The following SORCS3 variants were observed in gnomAD, a reference collection of about 807,000 sequenced individuals.
SORCS3 encodes sortilin related VPS10 domain containing receptor 3, also known as VPS10 domain-containing receptor SorCS3.
A neutral mutation model predicts 146.3 loss-of-function variants in SORCS3; 57 were observed. The observed-to-expected ratio is 0.39, with a 90% CI of 0.31 to 0.49. SORCS3 has a LOEUF of 0.49. Among genes scored for constraint, SORCS3 ranks in the 20% least tolerant of loss-of-function variants. SORCS3 has a pLI of 0.92. For synonymous variants in SORCS3, 653 were observed against 618.5 expected, an observed-to-expected ratio of 1.06 and a Z score of -0.83; for missense variants, 1,341 against 1,575.5, an observed-to-expected ratio of 0.85 and a Z score of 2.52.
chr10:104,754,440 C>T (rs1418783827), intron 1 of SORCS3, among the ~76,000 whole-genome samples: 1 of 152,180 alleles, frequency 6.6e-6, no homozygotes, highest in African/African-American at 2.4e-5. Context: ...TGCCCTTATA[C>T]TGTAACCTTT....
intron 1 of SORCS3, among the ~76,000 whole-genome samples, chr10:104,693,670 C>T (rs529609510): frequency 1.3e-5 from 2 of 152,292 alleles, no homozygotes; most frequent in African/African-American, 4.8e-5. Context: ...TGTGTACCAC[C>T]ACTCTCCATT....
At chr10:105,000,494 GT>G (rs2055054561) in intron 4 of SORCS3, among the ~76,000 whole-genome samples, 1 of 151,968 alleles carries the variant, frequency 6.6e-6, no homozygotes, top group Admixed American at 6.6e-5. Context: ...TTGTTGTTTT[GT>G]TTTGTTTTTT....
intron 3 of SORCS3, among the ~76,000 whole-genome samples, chr10:104,964,604 T>C (rs1478395649): frequency 6.6e-6 from 1 of 152,144 alleles, no homozygotes; most frequent in Admixed American, 6.6e-5. Flanking sequence ...AGTCAATAGG[T>C]TGGATGAATA....
chr10:105,260,039 CA>C (rs2056952047), intron 25 of SORCS3, among the ~76,000 whole-genome samples: 2 of 152,124 alleles, frequency 1.3e-5, no homozygotes, highest in Non-Finnish European at 2.9e-5. Context: ...AGCAACTTGA[CA>C]AATTTTTAAA....
chr10:105,086,839 T>G (rs1317250621), intron 5 of SORCS3, among the ~76,000 whole-genome samples: 3 of 152,182 alleles, frequency 2.0e-5, no homozygotes, highest in Admixed American at 2.0e-4. Context: ...GATTGCAGAA[T>G]TTTTCTCCCG....
chr10:104,964,678 G>A (rs150621594), intron 3 of SORCS3, among the ~76,000 whole-genome samples: 10 of 152,114 alleles, frequency 6.6e-5, no homozygotes, highest in Middle Eastern at 3.4e-3. Context: ...CTCTAGTCTC[G>A]TGTCTTATTT....
chr10:104,915,677 C>T (rs2019019267), intron 2 of SORCS3, among the ~76,000 whole-genome samples, 156 bp from the exon 3 acceptor site: 1 of 152,170 alleles, frequency 6.6e-6, no homozygotes, highest in African/African-American at 2.4e-5. Context: ...AGTCTAATTG[C>T]TCTTCTAAAA....
intron 2 of SORCS3, among the ~76,000 whole-genome samples, chr10:104,879,086 G>A (rs1363164648): frequency 6.6e-6 from 1 of 152,212 alleles, no homozygotes; most frequent in Admixed American, 6.5e-5. Flanking sequence ...AGGATGGACA[G>A]ATTATGATGG....
At chr10:105,080,884 A>G (rs564953003) in intron 5 of SORCS3, among the ~76,000 whole-genome samples, 19 of 152,346 alleles carry the variant, frequency 1.2e-4, no homozygotes, top group Non-Finnish European at 2.4e-4. Context: ...ATCTTCAATG[A>G]AGCTGACAAA....
intron 1 of SORCS3, among the ~76,000 whole-genome samples, chr10:104,660,542 C>T (rs1057363136): frequency 1.3e-5 from 2 of 152,128 alleles, no homozygotes; most frequent in African/African-American, 4.8e-5. Context: ...TGGCCCTCAC[C>T]CTCCCCTCTA....
At chr10:105,075,642 G>A (rs1447814297) in intron 5 of SORCS3, among the ~76,000 whole-genome samples, 1 of 152,112 alleles carries the variant, frequency 6.6e-6, no homozygotes, top group African/African-American at 2.4e-5. Context: ...TCCCTATAAA[G>A]AAGGGGGGCG....
chr10:104,720,426 A>G (rs1164595609), intron 1 of SORCS3, among the ~76,000 whole-genome samples: 1 of 152,188 alleles, frequency 6.6e-6, no homozygotes, highest in Non-Finnish European at 1.5e-5. Flanking sequence ...GAATAGTGCC[A>G]CAATAAACAT....
At chr10:105,065,250 G>C (rs1407427999) in intron 5 of SORCS3, among the ~76,000 whole-genome samples, 2 of 152,162 alleles carry the variant, frequency 1.3e-5, no homozygotes, top group African/African-American at 4.8e-5. Context: ...GTTTGCACCA[G>C]AATCATACCT....
chr10:104,673,140 A>C (rs184304573), intron 1 of SORCS3, among the ~76,000 whole-genome samples: 2 of 152,188 alleles, frequency 1.3e-5, no homozygotes, highest in Admixed American at 6.5e-5. Flanking sequence ...GTGTGTTTGC[A>C]TGTTTGGATC....
At chr10:105,102,775 T>C (rs2055794327) in intron 6 of SORCS3, among the ~76,000 whole-genome samples, 1 of 137,306 alleles carries the variant, frequency 7.3e-6, no homozygotes, top group African/African-American at 2.6e-5. Flanking sequence ...AAATTACCTC[T>C]CAACCTTTTT....
chr10:104,939,101 G>C (rs957540888), intron 3 of SORCS3, among the ~76,000 whole-genome samples: 1 of 152,222 alleles, frequency 6.6e-6, no homozygotes, highest in African/African-American at 2.4e-5. Context: ...TTCCAGCTGT[G>C]ATAGTTATAC....
intron 1 of SORCS3, among the ~76,000 whole-genome samples, chr10:104,732,417 G>A (rs569184312): frequency 3.3e-4 from 51 of 152,288 alleles, no homozygotes; most frequent in Non-Finnish European, 6.2e-4. Flanking sequence ...GCATTTGAAA[G>A]GCAGGTCACT....
chr10:105,223,084 T>C, intron 19 of SORCS3, 32 bp from the exon 20 acceptor site: 1 of 1,579,148 alleles, frequency 6.3e-7, no homozygotes. Flanking sequence ...ATCCAGAATA[T>C]AAACACTGAC....
chr10:104,829,496 T>C (rs907721283), intron 1 of SORCS3, among the ~76,000 whole-genome samples: 2 of 152,126 alleles, frequency 1.3e-5, no homozygotes, highest in Non-Finnish European at 2.9e-5. Context: ...AGGGGTATTC[T>C]AGTATGGCTA....
Sources: gnomAD v4.1 joint callset for allele counts (sites outside exome capture counted in the v4.1 genomes callset) on GRCh38, gnomAD v4.1.1 for gene constraint, MANE v1.5 for transcripts, NCBI Gene and HGNC (gene_info 2026-07-23, HGNC 2026-07-21) for gene names.